Variants in ABCG4 observed in about 807,000 individuals in gnomAD.
ABCG4 encodes the protein ATP-binding cassette sub-family G member 4.
A neutral mutation model predicts 64.6 loss-of-function variants in ABCG4; 35 were observed. That is an observed-to-expected ratio of 0.54 (90% CI 0.41 to 0.72). ABCG4 has a LOEUF of 0.72. Ranked by LOEUF, ABCG4 falls within the 30% of genes least tolerant of loss-of-function variation. The pLI is 0.00. For synonymous variants in ABCG4, 326 were observed against 348.2 expected, an observed-to-expected ratio of 0.94 and a Z score of 0.71; for missense variants, 610 against 846.3, an observed-to-expected ratio of 0.72 and a Z score of 3.46.
At chr11:119,153,896 C>T in intron 2 of ABCG4, 130 bp from the exon 3 acceptor site, 1 of 780,234 alleles carries the variant, frequency 1.3e-6, no homozygotes, top group East Asian at 2.4e-5. Flanking sequence ...AGGGTTGTTC[C>T]TCCATCCTAA....
rs1308329431 is a variant in ABCG4, at chr11:119,160,913, A to G, written c.1748A>G (p.Tyr583Cys). Residue 583 changes from tyrosine (Y) to cysteine (C), a missense_variant, in exon 15 of 15, where the codon TAT becomes TGT. By Grantham distance (194) the Tyr-to-Cys change is radical (BLOSUM62 -2). Coordinates refer to ENST00000619701, the MANE Select transcript of ABCG4 (RefSeq NM_022169.5). The surrounding 1 kb of genome is among the most constrained non-coding windows in gnomAD (Gnocchi z 4.6). ...YGFEGVILTIYGMERGDLTCL... is the reference protein window; with the variant it reads ...YGFEGVILTICGMERGDLTCL... ...TTTGAGGGTGTGATCCTGACGATCT[A>G]TGGCATGGAGCGAGGAGACCTGACA... 6.2e-7 allele frequency: 1 copy of G among 1,613,998 alleles called. No individual in the cohort carries two copies. Among genetic ancestry groups the G allele is most frequent in the South Asian group, 1.1e-5 (1 of 91,084 alleles).
chr11:119,160,790 G>C lies in ABCG4; in HGVS notation c.1716-91G>C, dbSNP rs1948338695. ...CAGGGGCACCCTGGCTGCACCCCAG[G>C]GATGACAGCATTGCAGCTGGGCTCT... On this transcript the variant is annotated intron_variant, in intron 14 of 14. Transcript: ENST00000619701. This position sits in a 1 kb window ranked among gnomAD's most constrained non-coding sequence, Gnocchi z 4.6. 1 of 1,515,282 alleles carries C rather than the reference G, an allele frequency of 6.6e-7. No homozygotes were observed. Among genetic ancestry groups the C allele is most frequent in the Admixed American group, 1.7e-5 (1 of 58,080 alleles). The allele number at this position is 1,515,282 out of a possible 1,614,324, so 93.9% of individuals were successfully genotyped here.
Position 119,158,578 on chromosome 11 carries a change from A to G in ABCG4, c.1189A>G (p.Met397Val). 6.2e-7 allele frequency: 1 copy of G among 1,614,144 alleles called. No individual in the cohort carries two copies. The highest frequency in any genetic ancestry group is 8.5e-7 in the Non-Finnish European group (1 of 1,179,996). Residue 397 changes from methionine (M) to valine (V), a missense_variant, in exon 11 of 15, where the codon ATG (methionine) becomes GTG (valine). Met to Val is a conservative substitution (Grantham distance 21, BLOSUM62 1). Transcript: ENST00000619701. The surrounding 1 kb of genome is among the most constrained non-coding windows in gnomAD (Gnocchi z 4.5). ...RDTVLTHLRF[M>V]SHVVIGVLIG... ...CAAGGTCCTGACCCACCTACGGTTC[A>G]TGTCCCACGTGGTTATTGGCGTGCT...
chr11:119,156,808 G>A lies in ABCG4; in HGVS notation c.926-64G>A, dbSNP rs1472367061. On this transcript the variant is annotated intron_variant, in intron 8 of 14. Transcript: ENST00000619701. The surrounding 1 kb of genome is among the most constrained non-coding windows in gnomAD (Gnocchi z 5.5). ...CTGCCTTCCCCACACACCCAAGGCG[G>A]GACTGACTTGCCCTTGGGAAGTGAG... The A allele has an allele frequency of 4.4e-6, 7 of 1,588,806 alleles. No individual in the cohort carries two copies. The highest frequency in any genetic ancestry group is 6.0e-6 in the Non-Finnish European group (7 of 1,163,288).
At position 119,158,716 on chromosome 11, in the gene ABCG4, G is replaced by A; in HGVS notation, c.1327G>A (p.Val443Met). 6.2e-7 allele frequency: 1 copy of A among 1,614,076 alleles called. No individual in the cohort carries two copies. ...FLMFAALMPT[V>M]LTFPLEMAVF... ...CATGTTCGCCGCCCTCATGCCAACT[G>A]TGCTCACCTGTGAGCTGAGCTGCCC... The change falls in exon 11 of 15, where the codon GTG (valine) becomes ATG (methionine). Residue 443 changes from valine to methionine, a missense_variant. Val to Met is a conservative substitution (Grantham distance 21). Transcript: ENST00000619701. The surrounding 1 kb of genome is among the most constrained non-coding windows in gnomAD (Gnocchi z 4.5).
In ABCG4 at chr11:119,156,915, G is replaced by T; in HGVS notation, c.969G>T (p.Met323Ile). The change falls in exon 9 of 15, where the codon ATG (methionine) becomes ATT (isoleucine). Residue 323 changes from methionine to isoleucine, a missense_variant. Coordinates refer to ENST00000619701, the MANE Select transcript of ABCG4 (RefSeq NM_022169.5). This position sits in a 1 kb window ranked among gnomAD's most constrained non-coding sequence, Gnocchi z 5.5. ...ASGEYGDLNP[M>I]LFRAVQNGLC... ...GCGAGTATGGAGACCTGAACCCCAT[G>T]TTGTTCAGGGCTGTGCAGAATGGGC... 3 of 1,613,736 alleles carry T rather than the reference G, an allele frequency of 1.9e-6. No homozygotes were observed. The highest frequency in any genetic ancestry group is 3.3e-4 in the Middle Eastern group (2 of 6,060).
At chr11:119,159,411 T>G (rs569451994) in intron 12 of ABCG4, among the ~76,000 whole-genome samples, 2 of 152,184 alleles carry the variant, frequency 1.3e-5, no homozygotes, top group African/African-American at 4.8e-5. Flanking sequence ...ACTCTGTAAC[T>G]CTTATTAGGG....
chr11:119,154,613 T>C lies in ABCG4; in HGVS notation c.540+38T>C, dbSNP rs769550760. 1.9e-5 allele frequency: 30 copies of C among 1,609,068 alleles called. No individual in the cohort carries two copies. Among genetic ancestry groups the C allele is most frequent in the Non-Finnish European group, 2.3e-5 (27 of 1,178,216 alleles). On this transcript the variant is annotated intron_variant, in intron 5 of 14. Coordinates refer to ENST00000619701, the MANE Select transcript of ABCG4 (RefSeq NM_022169.5). The surrounding 1 kb of genome is among the most constrained non-coding windows in gnomAD (Gnocchi z 7.0). ...GGGAGGCAGTGGGACCACTCCCTTT[T>C]GTGGTGCTGCTGAGCTCAAGGCCCC...
intron 2 of ABCG4, 52 bp from the exon 3 acceptor site, chr11:119,153,974 G>A (rs1195317222): frequency 2.7e-6 from 4 of 1,505,842 alleles, no homozygotes; most frequent in East Asian, 2.3e-5. Flanking sequence ...AATTTTGGGG[G>A]TACCTCTGTT....
chr11:119,153,333 A>G (rs1948215895), intron 2 of ABCG4: 1 of 153,544 alleles, frequency 6.5e-6, no homozygotes, highest in South Asian at 2.1e-4. Flanking sequence ...GCTGCCTTCC[A>G]ATGAATGAAT....
At chr11:119,153,611 C>T in intron 2 of ABCG4, 1 of 184,338 alleles carries the variant, frequency 5.4e-6, no homozygotes, top group South Asian at 1.2e-4. Context: ...AACATGCTGG[C>T]ATAGGAGAGG....
Position 119,160,211 on chromosome 11 carries a change from C to T in ABCG4, c.1438-16C>T, listed in dbSNP as rs200475405. ...CTGGCTTGAAGTCCACTGTCCAGCC[C>T]GTGCCCACTCCCCAGGTGGTGTGTC... On this transcript the variant is annotated splice_polypyrimidine_tract_variant and intron_variant, in intron 12 of 14. Coordinates refer to ENST00000619701, the MANE Select transcript of ABCG4 (RefSeq NM_022169.5). This position sits in a 1 kb window ranked among gnomAD's most constrained non-coding sequence, Gnocchi z 4.6. 1,266 of 1,600,118 alleles carry T rather than the reference C, an allele frequency of 7.9e-4. 1 individual carries two copies. Among genetic ancestry groups the T allele is most frequent in the South Asian group, 9.5e-4 (86 of 90,582 alleles).
rs1948292830 is a variant in ABCG4, at chr11:119,158,208, A to T, written c.1069-26A>T. On this transcript the variant is annotated intron_variant, in intron 9 of 14. Coordinates refer to ENST00000619701, the MANE Select transcript of ABCG4 (RefSeq NM_022169.5). This position sits in a 1 kb window ranked among gnomAD's most constrained non-coding sequence, Gnocchi z 4.5. ...TGGGTGAATGGGGTAGGCTCACCTG[A>T]TCCCGATCCAATTTCTTCTTCCCAG... 6.4e-7 allele frequency: 1 copy of T among 1,553,174 alleles called. No individual in the cohort carries two copies. Among genetic ancestry groups the T allele is most frequent in the African/African-American group, 1.4e-5 (1 of 71,146 alleles).
At position 119,156,775 on chromosome 11, in the gene ABCG4, A is replaced by G. The variant is rs1303227773; in HGVS notation, c.925+97A>G. The G allele has an allele frequency of 6.3e-7, 1 of 1,587,300 alleles. No homozygotes were observed. The highest frequency in any genetic ancestry group is 8.6e-7 in the Non-Finnish European group (1 of 1,159,476). ...CAGGCCTCCTAGGGGTAGAGATCTCACCGTCGCCTGCCTTCCCCACACACC... is the reference window on the plus strand; with the variant it reads ...CAGGCCTCCTAGGGGTAGAGATCTCGCCGTCGCCTGCCTTCCCCACACACC... On this transcript the variant is annotated intron_variant, in intron 8 of 14. Coordinates refer to ENST00000619701, the MANE Select transcript of ABCG4 (RefSeq NM_022169.5). This position sits in a 1 kb window ranked among gnomAD's most constrained non-coding sequence, Gnocchi z 5.5.
chr11:119,159,857 C>A (rs1345650029), intron 12 of ABCG4, among the ~76,000 whole-genome samples: 1 of 151,934 alleles, frequency 6.6e-6, no homozygotes, highest in Non-Finnish European at 1.5e-5. Flanking sequence ...TCAGACCCTG[C>A]CCCCTAGGAG....
chr11:119,159,414 T>C (rs1331453098), intron 12 of ABCG4, among the ~76,000 whole-genome samples: 1 of 152,120 alleles, frequency 6.6e-6, no homozygotes, highest in Non-Finnish European at 1.5e-5. Flanking sequence ...CTGTAACTCT[T>C]ATTAGGGGCA....
Position 119,154,551 on chromosome 11 carries a change from G to C in ABCG4, c.516G>C (p.Glu172Asp). 6.2e-7 allele frequency: 1 copy of C among 1,613,676 alleles called. No homozygotes were observed. The highest frequency in any genetic ancestry group is 1.1e-5 in the South Asian group (1 of 91,022). ...TCTCTGCTAACCTGAAGCTGAGTGAGAAGCAGGAGGTGAAGAAGGAGCTGG... is the reference window on the plus strand; with the variant it reads ...TCTCTGCTAACCTGAAGCTGAGTGACAAGCAGGAGGTGAAGAAGGAGCTGG... Reference protein sequence around the residue: ...MMVSANLKLSEKQEVKKELVT... With the variant: ...MMVSANLKLSDKQEVKKELVT... The change falls in exon 5 of 15, where the codon GAG becomes GAC. Residue 172 changes from glutamate (E) to aspartate (D), a missense_variant. Transcript: ENST00000619701. The surrounding 1 kb of genome is among the most constrained non-coding windows in gnomAD (Gnocchi z 7.0).
In ABCG4 at chr11:119,154,845, AG is replaced by A; in HGVS notation, c.618del (p.Lys207SerfsTer37). 1.2e-6 allele frequency: 2 copies of A among 1,614,074 alleles called. No homozygotes were observed. Among genetic ancestry groups the A allele is most frequent in the Non-Finnish European group, 1.7e-6 (2 of 1,179,910 alleles). On this transcript the variant is annotated frameshift_variant, in exon 6 of 15. Transcript: ENST00000619701. LOFTEE classifies it high-confidence loss of function. This position sits in a 1 kb window ranked among gnomAD's most constrained non-coding sequence, Gnocchi z 7.0. ...TRTALLSGGQ[R>X]KRLAIALELV... ...GACAGCCCTGCTCTCTGGCGGGCAG[AG>A]GAAGCGTCTGGCCATCGCCCTGGAG...
Position 119,150,055 on chromosome 11 carries a change from C to G in ABCG4, c.90C>G (p.Pro30=). ...TGACGCTGGAGGACGGGGCGGAACC[C>G]CCTGTGCTGACCACGCACCTGAAGA... ...MAVTLEDGAE[P]PVLTTHLKKV... Residue 30 remains proline, a synonymous_variant, in exon 2 of 15, where the codon CCC becomes CCG. Transcript: ENST00000619701. This position sits in a 1 kb window ranked among gnomAD's most constrained non-coding sequence, Gnocchi z 4.3. 3 of 1,613,992 alleles carry G rather than the reference C, an allele frequency of 1.9e-6. No individual in the cohort carries two copies. The highest frequency in any genetic ancestry group is 2.5e-6 in the Non-Finnish European group (3 of 1,180,020).
Sources: gnomAD v4.1 joint callset for allele counts (sites outside exome capture counted in the v4.1 genomes callset) on GRCh38, gnomAD v4.1.1 for gene constraint, Gnocchi (gnomAD v3.1) non-coding constraint, MANE v1.5 for transcripts, NCBI Gene and HGNC (gene_info 2026-07-23, HGNC 2026-07-21) for gene names.